Variants in GLT1D1 observed in about 807,000 individuals in gnomAD.
GLT1D1 encodes glycosyltransferase 1 domain-containing protein 1.
In GLT1D1, 21 loss-of-function variants were observed where a neutral mutation model predicts 28.7. That is an observed-to-expected ratio of 0.73 (90% CI 0.52 to 1.05). The LOEUF (loss-of-function observed/expected upper bound fraction) is 1.05. Ranked by LOEUF, GLT1D1 falls within the 50% of genes least tolerant of loss-of-function variation. The pLI is 0.00. For missense variants in GLT1D1, 343 were observed against 330.6 expected (o/e 1.04, Z -0.29); for synonymous variants, 147 against 124.8 (o/e 1.18, Z -1.19).
At chr12:128,970,322 C>G (rs1233126902) in intron 7 of GLT1D1, among the ~76,000 whole-genome samples, 1 of 152,206 alleles carries the variant, frequency 6.6e-6, no homozygotes, top group Admixed American at 6.5e-5. Flanking sequence ...CGCGCCCTCT[C>G]CCCTGAGCCC....
chr12:128,967,926 C>T (rs1309024811), intron 7 of GLT1D1, among the ~76,000 whole-genome samples: 1 of 152,200 alleles, frequency 6.6e-6, no homozygotes, highest in Non-Finnish European at 1.5e-5. Flanking sequence ...TCCAGTTAAG[C>T]CCAGAGGAAA....
chr12:128,853,788 T>C, intron 1 of GLT1D1, 139 bp downstream of exon 1: 1 of 517,148 alleles, frequency 1.9e-6, no homozygotes, highest in Non-Finnish European at 2.5e-6. Context: ...CACAAACGGA[T>C]GGGCCGGTGC....
At chr12:128,960,274 C>T (rs753238676) in intron 7 of GLT1D1, among the ~76,000 whole-genome samples, 5 of 151,650 alleles carry the variant, frequency 3.3e-5, no homozygotes, top group African/African-American at 4.9e-5. Context: ...ACGTGGATGT[C>T]GCACCTGGTT....
Position 128,943,270 on chromosome 12 carries a change from G to A in GLT1D1, c.376-2056G>A, listed in dbSNP as rs76168488. On this transcript the variant is annotated intron_variant, in intron 4 of 7. Coordinates refer to ENST00000281703, the MANE Select transcript of GLT1D1 (RefSeq NM_144669.3). ...TGATTGCTATTTATGCCAAGGGAGCGTTTCCCAGGCATATCTCATCTATTT... is the reference window on the plus strand; with the variant it reads ...TGATTGCTATTTATGCCAAGGGAGCATTTCCCAGGCATATCTCATCTATTT... Among the ~76,000 whole-genome samples the A allele has an allele frequency of 5.3e-3, 813 of 151,968 alleles. 4 individuals carry two copies. Among genetic ancestry groups the A allele is most frequent in the African/African-American group, 0.018 (742 of 41,470 alleles).
In GLT1D1 at chr12:128,875,987, G is replaced by T. The variant is rs757568901; in HGVS notation, c.142G>T (p.Ala48Ser). 1 of 1,613,908 alleles carries T rather than the reference G, an allele frequency of 6.2e-7. No individual in the cohort carries two copies. Among genetic ancestry groups the T allele is most frequent in the East Asian group, 2.2e-5 (1 of 44,890 alleles). Residue 48 changes from alanine to serine, a missense_variant, in exon 2 of 8, where the codon GCA (alanine) becomes TCA (serine). By Grantham distance (99) the Ala-to-Ser change is moderately conservative. Coordinates refer to ENST00000281703, the MANE Select transcript of GLT1D1 (RefSeq NM_144669.3). ...TGACTTTGAAAGCCGATCTGAGATT[G>T]CAAACCTCATCTTGGCTGAGAACTG...
chr12:128,939,844 C>CA lies in GLT1D1; in HGVS notation c.376-5482_376-5481insA, dbSNP rs1555271972. Among the ~76,000 whole-genome samples the CA allele has an allele frequency of 4.8e-5, 7 of 145,326 alleles. 1 individual carries two copies. Among genetic ancestry groups the CA allele is most frequent in the African/African-American group, 8.0e-5 (3 of 37,704 alleles). Reference sequence around the variant, plus strand: ...GTTGCCAAATTGTTAGAAACCCCCCCCCACCGCCGATCCAATCACCTCCTA... The same window carrying CA: ...GTTGCCAAATTGTTAGAAACCCCCCCACCACCGCCGATCCAATCACCTCCTA... On this transcript the variant is annotated intron_variant, in intron 4 of 7. Coordinates refer to ENST00000281703, the MANE Select transcript of GLT1D1 (RefSeq NM_144669.3).
At position 128,912,468 on chromosome 12, in the gene GLT1D1, T is replaced by C; in HGVS notation, c.375+13181T>C. 1.4e-6 allele frequency: 2 copies of C among 1,474,218 alleles called. No homozygotes were observed. Among genetic ancestry groups the C allele is most frequent in the Non-Finnish European group, 1.8e-6 (2 of 1,097,846 alleles). 91.3% of individuals were successfully genotyped at this position (1,474,218 alleles called of 1,614,324 possible). The stretch of plus-strand genomic sequence containing the variant: ...TCTATGTCCAGAGTCAAGGTAAGAT[T>C]TTTAAAATATTTATTTACTTATGTA... On this transcript the variant is annotated intron_variant, in intron 4 of 7. Coordinates refer to ENST00000281703, the MANE Select transcript of GLT1D1 (RefSeq NM_144669.3).
At chr12:128,906,370 A>G (rs992570788) in intron 4 of GLT1D1, among the ~76,000 whole-genome samples, 7 of 152,122 alleles carry the variant, frequency 4.6e-5, no homozygotes, top group Admixed American at 2.6e-4. Context: ...AAATGTAAAA[A>G]TTTCACCAAG....
In GLT1D1 at chr12:128,982,920, T is replaced by G; in HGVS notation, c.640-9T>G. On this transcript the variant is annotated splice_polypyrimidine_tract_variant and intron_variant, in intron 7 of 7. Transcript: ENST00000281703. The stretch of plus-strand genomic sequence containing the variant: ...TGATTTATGTCTACTTCTCCTTCCT[T>G]TTTTGCAGGAGTTTGTTCATCTGGC... 6.2e-7 allele frequency: 1 copy of G among 1,613,700 alleles called. No homozygotes were observed. The highest frequency in any genetic ancestry group is 8.5e-7 in the Non-Finnish European group (1 of 1,179,644).
intron 2 of GLT1D1, among the ~76,000 whole-genome samples, chr12:128,880,599 C>T (rs1423966939): frequency 1.3e-5 from 2 of 152,208 alleles, no homozygotes; most frequent in Non-Finnish European, 2.9e-5. Context: ...ACCTTCTCTG[C>T]ACCAGTTGCA....
intron 4 of GLT1D1, among the ~76,000 whole-genome samples, chr12:128,939,923 G>C (rs1024226899): frequency 1.4e-4 from 21 of 149,924 alleles, no homozygotes; most frequent in African/African-American, 5.2e-4. Context: ...ATTTGGGTGG[G>C]GACACAGATC....
In GLT1D1 at chr12:128,952,441, G is replaced by GC. The variant is rs1440413290; in HGVS notation, c.540+4983_540+4984insC. On this transcript the variant is annotated intron_variant, in intron 6 of 7. Coordinates refer to ENST00000281703, the MANE Select transcript of GLT1D1 (RefSeq NM_144669.3). ...AGGGGTGTAGGGTGGGGGTGGGGGG[G>GC]GGTGGGGCTGAAAAGGGAAATTTCT... Among the ~76,000 whole-genome samples, 12 of 131,124 alleles carry GC rather than the reference G, an allele frequency of 9.2e-5. No homozygotes were observed. The East Asian group carries it at 1.5e-3, about 17-fold the overall frequency. 86.0% of individuals were successfully genotyped at this position (131,124 alleles called of 152,430 possible).
At chr12:128,959,566 C>T (rs1358801807) in intron 7 of GLT1D1, among the ~76,000 whole-genome samples, 6 of 151,876 alleles carry the variant, frequency 4.0e-5, no homozygotes, top group East Asian at 3.9e-4. Context: ...TCCTGGGAAG[C>T]GGAGGGAAAT....
rs568461319 is a variant in GLT1D1, at chr12:128,945,226, C to T, written c.376-100C>T. ...CCCCGTGGCCGCAGACCGAGGCCCA[C>T]GCCGCGCTGGCACCAGGGCTTTGGC... On this transcript the variant is annotated intron_variant, in intron 4 of 7. Transcript: ENST00000281703. The T allele has an allele frequency of 1.2e-4, 144 of 1,236,922 alleles. No homozygotes were observed. In the East Asian group the frequency reaches 1.5e-3, roughly 13 times the overall value. 76.6% of individuals were successfully genotyped at this position (1,236,922 alleles called of 1,614,324 possible).
intron 1 of GLT1D1, among the ~76,000 whole-genome samples, chr12:128,874,121 TCTC>T (rs1471347961): frequency 1.1e-4 from 6 of 55,672 alleles, no homozygotes; most frequent in Non-Finnish European, 1.8e-4. Context: ...TCTCTCTCTC[TCTC>T]TCTTTCTTTC....
chr12:128,920,921 A>T (rs1442821094), intron 4 of GLT1D1, among the ~76,000 whole-genome samples: 1 of 152,232 alleles, frequency 6.6e-6, no homozygotes, highest in Non-Finnish European at 1.5e-5. Flanking sequence ...AAAATTAGTC[A>T]GGTATGTGCC....
At chr12:128,974,194 T>C (rs942390486) in intron 7 of GLT1D1, among the ~76,000 whole-genome samples, 1 of 152,106 alleles carries the variant, frequency 6.6e-6, no homozygotes, top group Admixed American at 6.5e-5. Context: ...TTGGAAAACA[T>C]GCAGTCGGGA....
intron 4 of GLT1D1, chr12:128,944,941 T>A (rs550371335): frequency 1.1e-5 from 6 of 537,140 alleles, no homozygotes; most frequent in South Asian, 2.3e-5. Context: ...ACGCTATCCC[T>A]CCTCCAGCCC....
chr12:128,949,950 C>T (rs932284551), intron 6 of GLT1D1, among the ~76,000 whole-genome samples: 11 of 152,174 alleles, frequency 7.2e-5, no homozygotes, highest in African/African-American at 2.4e-4. Context: ...GATTCCTGGC[C>T]TCTTGGCTTC....
Sources: allele counts gnomAD v4.1 joint callset (sites outside exome capture counted in the v4.1 genomes callset), GRCh38; gene constraint gnomAD v4.1.1; transcripts MANE v1.5; gene names NCBI Gene and HGNC (gene_info 2026-07-23, HGNC 2026-07-21).